Variants in ANO2 observed in about 807,000 individuals in gnomAD.
ANO2 encodes anoctamin-2.
Under a neutral mutation model 124.2 loss-of-function variants are expected in ANO2, and 101 were observed. The observed-to-expected ratio is 0.81, with a 90% CI of 0.69 to 0.96. ANO2 has a LOEUF of 0.96. Ranked by LOEUF, ANO2 falls within the 40% of genes least tolerant of loss-of-function variation. The pLI is 0.00. For synonymous variants in ANO2, 486 were observed against 482.5 expected, an observed-to-expected ratio of 1.01 and a Z score of -0.09; for missense variants, 1,293 against 1,274.5, an observed-to-expected ratio of 1.01 and a Z score of -0.22.
intron 19 of ANO2, among the ~76,000 whole-genome samples, chr12:5,600,163 T>C (rs529315165): frequency 4.3e-4 from 65 of 152,254 alleles, no homozygotes; most frequent in Non-Finnish European, 7.3e-4. Context: ...TATTGGGAGA[T>C]ATGACTTTTA....
At chr12:5,611,574 T>G (rs1330910504) in intron 19 of ANO2, among the ~76,000 whole-genome samples, 1 of 152,190 alleles carries the variant, frequency 6.6e-6, no homozygotes, top group East Asian at 1.9e-4. Context: ...GAATACAGTA[T>G]TCTCTGTCAG....
intron 10 of ANO2, among the ~76,000 whole-genome samples, chr12:5,797,240 C>T (rs927459376): frequency 5.3e-5 from 8 of 152,048 alleles, no homozygotes; most frequent in African/African-American, 1.7e-4. Context: ...AGGTGGGCCC[C>T]GACAGGAGGT....
intron 4 of ANO2, among the ~76,000 whole-genome samples, chr12:5,848,862 A>G (rs1954774080): frequency 6.6e-6 from 1 of 152,184 alleles, no homozygotes; most frequent in Non-Finnish European, 1.5e-5. Flanking sequence ...TCTTGTACCA[A>G]TTGCGCTGCC....
intron 20 of ANO2, among the ~76,000 whole-genome samples, chr12:5,581,952 G>T (rs1416613505): frequency 5.3e-5 from 8 of 152,176 alleles, no homozygotes; most frequent in Non-Finnish European, 1.2e-4. Context: ...TTATTTGGGG[G>T]AGAATAAAAC....
At position 5,917,558 on chromosome 12, in the gene ANO2, C is replaced by CTTTTTTTTTTT. The variant is rs1490593052; in HGVS notation, c.534+3481_534+3482insAAAAAAAAAAA. Among the ~76,000 whole-genome samples the CTTTTTTTTTTT allele has an allele frequency of 1.9e-5, 2 of 104,410 alleles. 1 individual carries two copies. The allele number at this position is 104,410 out of a possible 152,430, so 68.5% of individuals were successfully genotyped here. On this transcript the variant is annotated intron_variant, in intron 3 of 24. Coordinates refer to ENST00000682330, the MANE Select transcript of ANO2 (RefSeq NM_001364791.2). The stretch of plus-strand genomic sequence containing the variant: ...AAGAAAGTACTGTTATTATTATTCT[C>CTTTTTTTTTTT]TTTTTTCTTTTTTTTTTTTTTTTTT...
At chr12:5,627,474 C>T (rs953293419) in intron 16 of ANO2, among the ~76,000 whole-genome samples, 1 of 152,222 alleles carries the variant, frequency 6.6e-6, no homozygotes, top group African/African-American at 2.4e-5. Flanking sequence ...CGGCCAGGCC[C>T]ACCCATGTCC....
rs1159543458 is a variant in ANO2 at position 5,923,148 on chromosome 12, A to G, written c.23-344T>C. Among the ~76,000 whole-genome samples the G allele has an allele frequency of 1.9e-4, 22 of 116,552 alleles. 2 individuals are homozygous for G. The highest frequency in any genetic ancestry group is 1.1e-3 in the South Asian group (3 of 2,794). 76.5% of individuals were successfully genotyped at this position (116,552 alleles called of 152,430 possible). ...CACACCCACATACACACACATGCAC[A>G]CATACACACACGCATACACACACAC... On this transcript the variant is annotated intron_variant, in intron 1 of 24. Transcript: ENST00000682330.
intron 14 of ANO2, among the ~76,000 whole-genome samples, chr12:5,661,924 C>T (rs942553790): frequency 6.6e-6 from 1 of 152,228 alleles, no homozygotes; most frequent in Non-Finnish European, 1.5e-5. Flanking sequence ...TGGAAACAAG[C>T]TTGGAGACAA....
At chr12:5,898,256 A>G (rs996783521) in intron 3 of ANO2, among the ~76,000 whole-genome samples, 1 of 152,192 alleles carries the variant, frequency 6.6e-6, no homozygotes, top group African/African-American at 2.4e-5. Context: ...AAGTGTTGGT[A>G]GGATGTAGGG....
At chr12:5,880,973 T>C (rs758944588) in intron 3 of ANO2, among the ~76,000 whole-genome samples, 4 of 152,044 alleles carry the variant, frequency 2.6e-5, no homozygotes, top group Non-Finnish European at 4.4e-5. Flanking sequence ...CGCAACTATA[T>C]TGGCTACCCC....
At chr12:5,752,135 G>A (rs1565641669) in intron 10 of ANO2, among the ~76,000 whole-genome samples, 1 of 152,142 alleles carries the variant, frequency 6.6e-6, no homozygotes, top group Non-Finnish European at 1.5e-5. Context: ...GGATGCTTGG[G>A]TGGCTTATAC....
At chr12:5,623,615 C>T (rs1021655777) in intron 16 of ANO2, among the ~76,000 whole-genome samples, 3 of 152,156 alleles carry the variant, frequency 2.0e-5, no homozygotes, top group Non-Finnish European at 2.9e-5. Context: ...CCCCAGAGCT[C>T]CATCTTAATC....
intron 7 of ANO2, among the ~76,000 whole-genome samples, chr12:5,824,426 G>A (rs892530857): frequency 6.6e-6 from 1 of 152,052 alleles, no homozygotes; most frequent in African/African-American, 2.4e-5. Flanking sequence ...TGATATCTAG[G>A]GCAGGGGCAA....
intron 4 of ANO2, among the ~76,000 whole-genome samples, chr12:5,838,608 C>A (rs1236434828): frequency 1.3e-5 from 2 of 152,180 alleles, no homozygotes; most frequent in Non-Finnish European, 2.9e-5. Flanking sequence ...TCCTCTCCCG[C>A]CTGGATGACT....
intron 9 of ANO2, among the ~76,000 whole-genome samples, chr12:5,803,207 C>T (rs891925354): frequency 5.9e-5 from 9 of 152,156 alleles, no homozygotes; most frequent in Non-Finnish European, 1.5e-5. Flanking sequence ...CTCCCAGATG[C>T]CACACTGACC....
intron 14 of ANO2, among the ~76,000 whole-genome samples, chr12:5,721,365 C>T (rs555976498): frequency 6.6e-6 from 1 of 152,356 alleles, no homozygotes; most frequent in Admixed American, 6.5e-5. Context: ...TTTCCACAGG[C>T]TGTTGCCATC....
intron 11 of ANO2, among the ~76,000 whole-genome samples, chr12:5,746,230 C>T (rs930572390): frequency 6.6e-6 from 1 of 152,194 alleles, no homozygotes; most frequent in Non-Finnish European, 1.5e-5. Context: ...GTGCAAAGCA[C>T]TTTGAAACCT....
At chr12:5,604,441 G>A (rs940850757) in intron 19 of ANO2, among the ~76,000 whole-genome samples, 2 of 152,194 alleles carry the variant, frequency 1.3e-5, no homozygotes, top group South Asian at 2.1e-4. Context: ...TGGAAAGAGC[G>A]GCGGAAGCCC....
intron 14 of ANO2, among the ~76,000 whole-genome samples, chr12:5,661,327 T>TA (rs1365674387): frequency 3.3e-5 from 5 of 152,354 alleles, no homozygotes; most frequent in Non-Finnish European, 7.3e-5. Context: ...AGCATTTGTT[T>TA]AAAGTTCTTG....
Sources: gnomAD v4.1 joint callset for allele counts (sites outside exome capture counted in the v4.1 genomes callset) on GRCh38, gnomAD v4.1.1 for gene constraint, MANE v1.5 for transcripts, NCBI Gene and HGNC (gene_info 2026-07-23, HGNC 2026-07-21) for gene names.